The following DAB1 variants were observed in gnomAD, a reference collection of about 807,000 sequenced individuals.
DAB1 encodes the protein disabled homolog 1.
Under a neutral mutation model 64.6 loss-of-function variants are expected in DAB1, and 15 were observed. That is an observed-to-expected ratio of 0.23 (90% CI 0.16 to 0.36). The LOEUF (loss-of-function observed/expected upper bound fraction) is 0.36, where lower values mean the gene tolerates loss of function less well. Among genes scored for constraint, DAB1 ranks in the 10% least tolerant of loss-of-function variants. DAB1 has a pLI of 1.00. For synonymous variants in DAB1, 235 were observed against 251.9 expected (o/e 0.93, Z 0.64); for missense variants, 596 against 706.7 (o/e 0.84, Z 1.78).
chr1:57,258,115 A>C (rs1669902007), intron 2 of DAB1, among the ~76,000 whole-genome samples: 1 of 152,192 alleles, frequency 6.6e-6, no homozygotes, highest in Non-Finnish European at 1.5e-5. Context: ...TTGGCATTGC[A>C]GGTATAAAAT....
intron 5 of DAB1, among the ~76,000 whole-genome samples, chr1:58,136,785 C>T (rs1557666733): frequency 1.3e-5 from 2 of 152,074 alleles, no homozygotes; most frequent in East Asian, 3.9e-4. Flanking sequence ...CTCTTTAATC[C>T]TCATTGTGAG....
chr1:58,475,218 C>T (rs1353582031), intron 3 of DAB1, among the ~76,000 whole-genome samples: 1 of 152,138 alleles, frequency 6.6e-6, no homozygotes, highest in African/African-American at 2.4e-5. Flanking sequence ...TGCAGTGGCA[C>T]GATCTCGGCT....
intron 4 of DAB1, among the ~76,000 whole-genome samples, chr1:58,197,005 T>C (rs936350700): frequency 6.6e-6 from 1 of 152,188 alleles, no homozygotes; most frequent in African/African-American, 2.4e-5. Context: ...ATCATGCAAA[T>C]TACTTCTAGG....
intron 2 of DAB1, among the ~76,000 whole-genome samples, chr1:57,278,323 G>A (rs1671631489): frequency 1.3e-5 from 2 of 152,258 alleles, no homozygotes; most frequent in East Asian, 1.9e-4. Flanking sequence ...TTCCCTCCCT[G>A]GCATTTAGTA....
chr1:57,896,685 G>A (rs1009365842), intron 5 of DAB1, among the ~76,000 whole-genome samples: 8 of 152,148 alleles, frequency 5.3e-5, no homozygotes, highest in Non-Finnish European at 7.4e-5. Context: ...TATGACGTGA[G>A]CATTAACGGT....
rs571529684 is a variant in DAB1, at chr1:57,375,876, A to G, written c.-137+48054T>C. Among the ~76,000 whole-genome samples the G allele has an allele frequency of 1.1e-3, 168 of 152,342 alleles. 1 individual carries two copies. The highest frequency in any genetic ancestry group is 3.6e-3 in the African/African-American group (150 of 41,574). ...TGACTGTTTATGCATTCCTTCATTC[A>G]ACGAATATTTTGTGTATTGCCTTCC... On this transcript the variant is annotated intron_variant, in intron 1 of 14. Transcript: ENST00000371236.
At chr1:58,533,544 C>T (rs527803859) in intron 1 of DAB1, among the ~76,000 whole-genome samples, 7 of 152,250 alleles carry the variant, frequency 4.6e-5, no homozygotes, top group African/African-American at 1.7e-4. Flanking sequence ...ATGCTCCAAG[C>T]TATCCTCTGA....
chr1:57,054,082 T>C (rs1196027744), intron 9 of DAB1, among the ~76,000 whole-genome samples: 2 of 152,142 alleles, frequency 1.3e-5, no homozygotes, highest in African/African-American at 2.4e-5. Context: ...AATACAACTA[T>C]ATAAAAGGCT....
chr1:58,457,396 C>T (rs1216516096), intron 3 of DAB1, among the ~76,000 whole-genome samples: 1 of 151,918 alleles, frequency 6.6e-6, no homozygotes, highest in African/African-American at 2.4e-5. Context: ...CAGCTGGCCA[C>T]CTCCTCATGT....
intron 1 of DAB1, among the ~76,000 whole-genome samples, chr1:57,314,968 CT>C (rs1675069128): frequency 6.6e-6 from 1 of 152,128 alleles, no homozygotes; most frequent in Non-Finnish European, 1.5e-5. Context: ...TTGAAAAGCC[CT>C]TTGTCAAGGG....
At chr1:58,288,096 A>T (rs575181590) in intron 4 of DAB1, among the ~76,000 whole-genome samples, 3,204 of 151,874 alleles carry the variant, frequency 0.021, 114 homozygotes, top group African/African-American at 0.073. Flanking sequence ...ATGCAACTTA[A>T]ATATAGAGTC....
At chr1:58,319,033 C>T (rs932751582) in intron 4 of DAB1, among the ~76,000 whole-genome samples, 1 of 151,884 alleles carries the variant, frequency 6.6e-6, no homozygotes, top group African/African-American at 2.4e-5. Flanking sequence ...TTCATATGAG[C>T]CATAGGTATT....
intron 3 of DAB1, among the ~76,000 whole-genome samples, chr1:58,380,206 T>C (rs942807404): frequency 1.3e-5 from 2 of 152,210 alleles, no homozygotes; most frequent in Non-Finnish European, 2.9e-5. Context: ...AGGAGGGACA[T>C]GGTGGGAGGT....
chr1:57,048,403 A>G (rs1430424183), intron 9 of DAB1, among the ~76,000 whole-genome samples: 2 of 152,230 alleles, frequency 1.3e-5, no homozygotes, highest in African/African-American at 4.8e-5. Context: ...CATACAGCTA[A>G]TAAGTATAGG....
chr1:58,427,700 G>A (rs906503355), intron 3 of DAB1, among the ~76,000 whole-genome samples: 4 of 152,186 alleles, frequency 2.6e-5, no homozygotes, highest in Non-Finnish European at 4.4e-5. Context: ...GGTCTTCGGT[G>A]CCAGGAATTT....
chr1:58,543,249 C>A (rs772012206), intron 1 of DAB1, among the ~76,000 whole-genome samples: 1 of 152,190 alleles, frequency 6.6e-6, no homozygotes, highest in Non-Finnish European at 1.5e-5. Flanking sequence ...AACAGTTATA[C>A]ATTTGTTTTT....
chr1:57,008,749 G>T (rs1028935006), intron 14 of DAB1, among the ~76,000 whole-genome samples: 5 of 152,228 alleles, frequency 3.3e-5, no homozygotes, highest in Admixed American at 3.3e-4. Flanking sequence ...CTCTGCGCTA[G>T]ATACTCAACA....
At chr1:58,223,201 T>C (rs1659267908) in intron 4 of DAB1, among the ~76,000 whole-genome samples, 1 of 152,218 alleles carries the variant, frequency 6.6e-6, no homozygotes, top group African/African-American at 2.4e-5. Flanking sequence ...AGAACTCAGA[T>C]TTTGAACACA....
At chr1:58,235,143 C>A (rs1176703234) in intron 4 of DAB1, among the ~76,000 whole-genome samples, 3 of 152,188 alleles carry the variant, frequency 2.0e-5, no homozygotes, top group African/African-American at 7.2e-5. Flanking sequence ...TTAGAAATGG[C>A]AAATACTAAC....
Sources: gnomAD v4.1 joint callset for allele counts (sites outside exome capture counted in the v4.1 genomes callset) on GRCh38, gnomAD v4.1.1 for gene constraint, MANE v1.5 for transcripts, NCBI Gene and HGNC (gene_info 2026-07-23, HGNC 2026-07-21) for gene names.